Variants in ABI3BP observed in about 807,000 individuals in gnomAD.
ABI3BP encodes the protein ABI family member 3 binding protein.
Under a neutral mutation model 268.6 loss-of-function variants are expected in ABI3BP, and 216 were observed. The ratio of observed to expected loss-of-function variants is 0.80; its 90% confidence interval spans 0.72 to 0.90. The LOEUF (loss-of-function observed/expected upper bound fraction) is 0.90, where lower values mean the gene tolerates loss of function less well. ABI3BP is among the 40% of genes least tolerant of loss of function. The pLI is 0.00. For synonymous variants in ABI3BP, 730 were observed against 730.0 expected (o/e 1.00, Z 0.00); for missense variants, 2,090 against 2,182.4 (o/e 0.96, Z 0.84).
At chr3:100,904,931 A>T (rs539991283) in intron 2 of ABI3BP, among the ~76,000 whole-genome samples, 1 of 152,336 alleles carries the variant, frequency 6.6e-6, no homozygotes, top group Non-Finnish European at 1.5e-5. Context: ...AAAGGATTAT[A>T]AATCATGCTG....
chr3:100,798,012 G>A (rs2097402992), intron 51 of ABI3BP, among the ~76,000 whole-genome samples: 1 of 152,004 alleles, frequency 6.6e-6, no homozygotes, highest in East Asian at 1.9e-4. Context: ...CTTTGATTTA[G>A]CTCTGTGAAG....
At chr3:100,760,503 CA>C (rs1042470944) in intron 63 of ABI3BP, among the ~76,000 whole-genome samples, 7 of 150,830 alleles carry the variant, frequency 4.6e-5, no homozygotes, top group East Asian at 3.9e-4. Flanking sequence ...GATTTAAAGA[CA>C]AAAAAAAATG....
At chr3:100,796,022 TTAAC>T (rs1173217116) in intron 52 of ABI3BP, among the ~76,000 whole-genome samples, 171 bp from the exon 53 acceptor site, 1 of 152,108 alleles carries the variant, frequency 6.6e-6, no homozygotes, top group Admixed American at 6.6e-5. Flanking sequence ...AGAACTTAGT[TTAAC>T]TAAAACTTTG....
chr3:100,989,728 C>T (rs367852049), intron 1 of ABI3BP, among the ~76,000 whole-genome samples: 10 of 152,310 alleles, frequency 6.6e-5, no homozygotes, highest in African/African-American at 2.4e-4. Flanking sequence ...CAAGGGCCTG[C>T]TCTCCCACTA....
chr3:100,926,029 A>C (rs1469393850), intron 2 of ABI3BP, among the ~76,000 whole-genome samples: 1 of 152,156 alleles, frequency 6.6e-6, no homozygotes, highest in East Asian at 1.9e-4. Context: ...ACAGAGACTT[A>C]ATCCCAGACA....
intron 29 of ABI3BP, 127 bp downstream of exon 29, chr3:100,834,556 CA>C: frequency 3.9e-6 from 3 of 762,750 alleles, no homozygotes; most frequent in Non-Finnish European, 6.4e-6. Flanking sequence ...GTGTTGGTAG[CA>C]GCTGCTTTCC....
intron 48 of ABI3BP, among the ~76,000 whole-genome samples, chr3:100,810,968 T>C (rs138778945): frequency 4.7e-4 from 71 of 152,132 alleles, no homozygotes; most frequent in African/African-American, 1.6e-3. Context: ...GGATGTACAG[T>C]GTTAGGAAGA....
At chr3:100,925,258 A>G (rs1225578394) in intron 2 of ABI3BP, among the ~76,000 whole-genome samples, 1 of 152,206 alleles carries the variant, frequency 6.6e-6, no homozygotes, top group East Asian at 1.9e-4. Context: ...CAGAGCTGAT[A>G]TAAAGTAATT....
In ABI3BP at chr3:100,838,583, G is replaced by T; in HGVS notation, c.1946-119C>A. 5 of 849,802 alleles carry T rather than the reference G, an allele frequency of 5.9e-6. No individual in the cohort carries two copies. In the South Asian group the frequency reaches 6.2e-5, roughly 11 times the overall value. The allele number at this position is 849,802 out of a possible 1,614,324, so 52.6% of individuals were successfully genotyped here. On this transcript the variant is annotated intron_variant, in intron 24 of 67. Coordinates refer to ENST00000471714, the MANE Select transcript of ABI3BP (RefSeq NM_001375547.2). ...TCAACGAATCTATAAACATTTCTGGGGTGTGGGAAGGGTGAAAAGAGTGTC... is the reference window on the plus strand; with the variant it reads ...TCAACGAATCTATAAACATTTCTGGTGTGTGGGAAGGGTGAAAAGAGTGTC...
chr3:100,800,178 G>T (rs1243015007), intron 51 of ABI3BP, among the ~76,000 whole-genome samples: 23 of 149,416 alleles, frequency 1.5e-4, no homozygotes, highest in Non-Finnish European at 4.4e-5. Flanking sequence ...TTTCTAGATT[G>T]TTGCAAACCT....
intron 18 of ABI3BP, 51 bp downstream of exon 18, chr3:100,848,750 G>A (rs1366858058): frequency 6.4e-7 from 1 of 1,552,884 alleles, no homozygotes; most frequent in Admixed American, 1.7e-5. Context: ...TAAGAAAATG[G>A]ACATTGTCTA....
At chr3:100,808,267 G>C in intron 49 of ABI3BP, 32 bp from the exon 50 acceptor site, 1 of 1,550,230 alleles carries the variant, frequency 6.5e-7, no homozygotes, top group Non-Finnish European at 8.8e-7. Context: ...CGGAAATCTT[G>C]AGCCCTTCAA....
intron 11 of ABI3BP, chr3:100,864,496 A>G (rs992556330): frequency 6.2e-6 from 2 of 320,450 alleles, no homozygotes; most frequent in African/African-American, 4.3e-5. Flanking sequence ...CACAGAGTCA[A>G]GACTTCCAGG....
chr3:100,907,948 T>C (rs1054227916), intron 2 of ABI3BP, among the ~76,000 whole-genome samples: 4 of 151,904 alleles, frequency 2.6e-5, no homozygotes, highest in African/African-American at 7.3e-5. Context: ...ACCCCATCTC[T>C]ACTAAAAAAT....
intron 62 of ABI3BP, among the ~76,000 whole-genome samples, chr3:100,767,232 C>T (rs549568931): frequency 1.4e-4 from 22 of 152,278 alleles, no homozygotes; most frequent in Admixed American, 1.2e-3. Flanking sequence ...TGAGCCACTG[C>T]GCCCAGCCTT....
intron 51 of ABI3BP, among the ~76,000 whole-genome samples, chr3:100,800,889 T>A (rs1456981713): frequency 6.6e-6 from 1 of 152,250 alleles, no homozygotes; most frequent in Non-Finnish European, 1.5e-5. Context: ...CTTCTCTAAT[T>A]CATACATTTA....
chr3:100,914,582 T>C (rs1009572386), intron 2 of ABI3BP: 29 of 361,300 alleles, frequency 8.0e-5, no homozygotes, highest in African/African-American at 5.9e-4. Flanking sequence ...TCAGAATTGT[T>C]TGGAATTGAA....
At chr3:100,825,381 T>C (rs2098358405) in intron 35 of ABI3BP, among the ~76,000 whole-genome samples, 1 of 152,062 alleles carries the variant, frequency 6.6e-6, no homozygotes, top group Admixed American at 6.5e-5. Flanking sequence ...TGGGCATTTT[T>C]TTTTTTTTAA....
chr3:100,804,064 A>C (rs1423004581), intron 51 of ABI3BP, among the ~76,000 whole-genome samples: 2 of 152,188 alleles, frequency 1.3e-5, no homozygotes, highest in Admixed American at 1.3e-4. Flanking sequence ...AAAAACTCAC[A>C]GTATTTCCCA....
Sources: gnomAD v4.1 joint callset for allele counts (sites outside exome capture counted in the v4.1 genomes callset) on GRCh38, gnomAD v4.1.1 for gene constraint, MANE v1.5 for transcripts, NCBI Gene and HGNC (gene_info 2026-07-23, HGNC 2026-07-21) for gene names.